Variants in LRIG2 observed in about 807,000 individuals in gnomAD.
LRIG2 encodes leucine-rich repeats and immunoglobulin-like domains protein 2.
In LRIG2, 93 loss-of-function variants were observed where a neutral mutation model predicts 107.8. The ratio of observed to expected loss-of-function variants is 0.86; its 90% CI spans 0.73 to 1.03. LRIG2 has a LOEUF of 1.03. Ranked by LOEUF, LRIG2 falls within the 50% of genes least tolerant of loss-of-function variation. The pLI is 0.00. For missense variants in LRIG2, 1,226 were observed against 1,296.0 expected (o/e 0.95, Z 0.83); for synonymous variants, 471 against 470.6 (o/e 1.00, Z -0.01).
intron 1 of LRIG2, among the ~76,000 whole-genome samples, chr1:113,075,931 A>G (rs576672551): frequency 2.0e-4 from 31 of 151,502 alleles, no homozygotes; most frequent in Non-Finnish European, 4.1e-4. Flanking sequence ...TCCTGATGTC[A>G]GGTGATCCAC....
chr1:113,084,037 A>T lies in LRIG2; in HGVS notation c.240-7281A>T, dbSNP rs868192546. On this transcript the variant is annotated intron_variant, in intron 1 of 17. Coordinates refer to ENST00000361127, the MANE Select transcript of LRIG2 (RefSeq NM_014813.3). ...AATAATAATAATAATAATAATAATA[A>T]TAATATTGGCCTTATCCCAGTGATT... Among the ~76,000 whole-genome samples, 59 of 122,342 alleles carry T rather than the reference A, an allele frequency of 4.8e-4. No homozygotes were observed. In the South Asian group the frequency reaches 6.7e-3, roughly 14 times the overall value. 80.3% of individuals were successfully genotyped at this position (122,342 alleles called of 152,430 possible).
chr1:113,111,542 T>G (rs1654775149), intron 13 of LRIG2, among the ~76,000 whole-genome samples: 1 of 152,218 alleles, frequency 6.6e-6, no homozygotes, highest in Non-Finnish European at 1.5e-5. Flanking sequence ...GTACTCATAC[T>G]TAGCTCCCAC....
At position 113,073,354 on chromosome 1, in the gene LRIG2, C is replaced by A; in HGVS notation, c.-53C>A. Reference sequence around the variant, plus strand: ...ATCTCTGCTGAGCTTCTCCGCCGATCCTCCTTTTCTAGCAGGCAGCTCTTC... The same window carrying A: ...ATCTCTGCTGAGCTTCTCCGCCGATACTCCTTTTCTAGCAGGCAGCTCTTC... On this transcript the variant is annotated 5_prime_UTR_variant, in exon 1 of 18. Coordinates refer to ENST00000361127, the MANE Select transcript of LRIG2 (RefSeq NM_014813.3). 1.4e-6 allele frequency: 2 copies of A among 1,447,916 alleles called. No individual in the cohort carries two copies. The highest frequency in any genetic ancestry group is 1.2e-5 in the South Asian group (1 of 84,648). The allele number at this position is 1,447,916 out of a possible 1,614,324, so 89.7% of individuals were successfully genotyped here.
chr1:113,096,260 C>T lies in LRIG2; in HGVS notation c.986C>T (p.Ser329Phe). Residue 329 changes from serine to phenylalanine, a missense_variant, in exon 8 of 18, where the codon TCT becomes TTT. Around this residue, in one of 3 missense-constraint regions of LRIG2, gnomAD observed 570 missense variants for 550.2 expected, o/e 1.04. Transcript: ENST00000361127. ...AACCAGCTGACCCGCCTGGATGAATCTGCCTTTGTGGGTCTGAGCTTATTG... is the reference window on the plus strand; with the variant it reads ...AACCAGCTGACCCGCCTGGATGAATTTGCCTTTGTGGGTCTGAGCTTATTG... ...SYNQLTRLDESAFVGLSLLER... is the reference protein window; with the variant it reads ...SYNQLTRLDEFAFVGLSLLER... The T allele has an allele frequency of 6.2e-7, 1 of 1,614,204 alleles. No homozygotes were observed. The highest frequency in any genetic ancestry group is 8.5e-7 in the Non-Finnish European group (1 of 1,180,026).
intron 1 of LRIG2, among the ~76,000 whole-genome samples, chr1:113,083,634 C>G (rs573695891): frequency 2.0e-5 from 3 of 151,952 alleles, no homozygotes; most frequent in African/African-American, 7.2e-5. Flanking sequence ...ACGTGAGCCA[C>G]TGTGCCCGGC....
intron 2 of LRIG2, among the ~76,000 whole-genome samples, chr1:113,092,990 A>C (rs1365917465): frequency 1.3e-5 from 2 of 149,448 alleles, no homozygotes; most frequent in Admixed American, 6.7e-5. Context: ...ACTCTGTTTC[A>C]AAAAAAAAAG....
At position 113,114,600 on chromosome 1, in the gene LRIG2, AT is replaced by A. The variant is rs758662575; in HGVS notation, c.2255del (p.Ile752ThrfsTer3). The A allele has an allele frequency of 6.2e-7, 1 of 1,614,074 alleles. No individual in the cohort carries two copies. Among genetic ancestry groups the A allele is most frequent in the Non-Finnish European group, 8.5e-7 (1 of 1,180,002 alleles). ...CTTTGCTGCAGCCAATCAGCTTCTC[AT>A]CATTGTAGATGCCGGGCTAGAAGAT... ...HFFAAANQLL[I>X]IVDAGLEDAG... On this transcript the variant is annotated frameshift_variant, in exon 15 of 18. Coordinates refer to ENST00000361127, the MANE Select transcript of LRIG2 (RefSeq NM_014813.3). LOFTEE classifies it high-confidence loss of function.
Position 113,073,580 on chromosome 1 carries a change from C to G in LRIG2, c.174C>G (p.Arg58=). 1.9e-6 allele frequency: 3 copies of G among 1,613,936 alleles called. No homozygotes were observed. Among genetic ancestry groups the G allele is most frequent in the Non-Finnish European group, 2.5e-6 (3 of 1,179,968 alleles). The change falls in exon 1 of 18, where the codon CGC becomes CGG. Residue 58 remains arginine (R), a synonymous_variant. Transcript: ENST00000361127. ...GCATTCCTCTCCTGGACTGCAGTCG[C>G]AGGAAATTGCCCGCACCGAGCTGGA... is the stretch of plus-strand genomic sequence containing the variant. ...SCRIPLLDCS[R]RKLPAPSWRA... is the part of the protein sequence containing the mutation.
chr1:113,076,589 T>C (rs1652992907), intron 1 of LRIG2, among the ~76,000 whole-genome samples: 1 of 152,220 alleles, frequency 6.6e-6, no homozygotes, highest in Non-Finnish European at 1.5e-5. Context: ...TATTTTAAAT[T>C]GAGAAATGAA....
At chr1:113,081,403 A>AT (rs1180674336) in intron 1 of LRIG2, among the ~76,000 whole-genome samples, 5,781 of 141,440 alleles carry the variant, frequency 0.041, 190 homozygotes, top group African/African-American at 0.094. Flanking sequence ...ACCCATTTCT[A>AT]TTTTTTTTTT....
At chr1:113,084,194 A>G (rs934598416) in intron 1 of LRIG2, among the ~76,000 whole-genome samples, 20 of 145,024 alleles carry the variant, frequency 1.4e-4, no homozygotes, top group Non-Finnish European at 4.5e-5. Flanking sequence ...AGTTGAGGAA[A>G]TCTGTGCTTT....
rs1203347632 is a variant in LRIG2 at position 113,130,708 on chromosome 1, C to G, written c.*6607C>G. The G allele has an allele frequency of 6.6e-6, 1 of 152,182 alleles. No homozygotes were observed. The highest frequency in any genetic ancestry group is 1.9e-4 in the East Asian group (1 of 5,174). 9.4% of individuals were successfully genotyped at this position (152,182 alleles called of 1,614,324 possible). ...CAATCTGATAGTCTTAAAACTTTGT[C>G]CTTTCTAAGTCCTTTGTATTCATTT... On this transcript the variant is annotated 3_prime_UTR_variant, in exon 18 of 18. Coordinates refer to ENST00000361127, the MANE Select transcript of LRIG2 (RefSeq NM_014813.3).
chr1:113,087,694 TAAAA>T (rs1246471805), intron 1 of LRIG2, among the ~76,000 whole-genome samples: 3 of 152,034 alleles, frequency 2.0e-5, no homozygotes, highest in Admixed American at 2.0e-4. Flanking sequence ...GAGGTACTTT[TAAAA>T]AAAGAAATAG....
intron 17 of LRIG2, among the ~76,000 whole-genome samples, chr1:113,121,096 G>A (rs866300788): frequency 2.0e-5 from 3 of 152,118 alleles, no homozygotes; most frequent in African/African-American, 7.2e-5. Flanking sequence ...GATTACAGGC[G>A]TGAGCCACCA....
chr1:113,090,970 G>A (rs902973871), intron 1 of LRIG2, among the ~76,000 whole-genome samples: 1 of 151,674 alleles, frequency 6.6e-6, no homozygotes, highest in Admixed American at 6.6e-5. Flanking sequence ...TCCTGCCTCA[G>A]CCTCCTGAGT....
At position 113,116,388 on chromosome 1, in the gene LRIG2, CA is replaced by C. The variant is rs761892014; in HGVS notation, c.2633del (p.Gln878ArgfsTer23). On this transcript the variant is annotated frameshift_variant, in exon 16 of 18. Coordinates refer to ENST00000361127, the MANE Select transcript of LRIG2 (RefSeq NM_014813.3). LOFTEE classifies it high-confidence loss of function. The stretch of plus-strand genomic sequence containing the variant: ...CAGCAACTCTGAGGCAGGCAGTCAT[CA>C]GCAACTTATGCCTCCTGCCAATGGA... ...GYSNSEAGSH[Q>X]QLMPPANGYI... 11 of 1,613,828 alleles carry C rather than the reference CA, an allele frequency of 6.8e-6. No homozygotes were observed. The highest frequency in any genetic ancestry group is 1.3e-5 in the African/African-American group (1 of 74,938).
intron 11 of LRIG2, chr1:113,100,763 G>A (rs1157413559): frequency 3.8e-6 from 1 of 260,002 alleles, no homozygotes; most frequent in African/African-American, 2.1e-5. Context: ...TATGCTTTAT[G>A]TATACCCTAC....
At chr1:113,096,426 A>C in intron 8 of LRIG2, 61 bp downstream of exon 8, 3 of 1,527,362 alleles carry the variant, frequency 2.0e-6, no homozygotes, top group Non-Finnish European at 2.7e-6. Flanking sequence ...CAATAAAGCA[A>C]ATTAATTAAA....
intron 17 of LRIG2, among the ~76,000 whole-genome samples, chr1:113,121,937 G>A (rs568611510): frequency 1.1e-3 from 166 of 152,190 alleles, no homozygotes; most frequent in Non-Finnish European, 1.8e-3. Context: ...CAAGATGGTA[G>A]TGAGGGCACA....
Sources: allele counts gnomAD v4.1 joint callset (sites outside exome capture counted in the v4.1 genomes callset), GRCh38; gene constraint gnomAD v4.1.1; regional missense constraint gnomAD v4.1.1; transcripts MANE v1.5; gene names NCBI Gene and HGNC (gene_info 2026-07-23, HGNC 2026-07-21).